The following SNTG1 variants were observed in gnomAD, a reference collection of about 807,000 sequenced individuals.
SNTG1 encodes the protein syntrophin gamma 1, also known as gamma-1-syntrophin.
Under a neutral mutation model 74.7 loss-of-function variants are expected in SNTG1, and 39 were observed. The observed-to-expected ratio is 0.52, with a 90% CI of 0.40 to 0.68. The LOEUF (loss-of-function observed/expected upper bound fraction) is 0.68, where lower values mean the gene tolerates loss of function less well. Among genes scored for constraint, SNTG1 ranks in the 30% least tolerant of loss-of-function variants. The probability of loss-of-function intolerance (pLI) is 0.00; values close to 1 mark genes in which losing one functional copy is unlikely to be tolerated. For synonymous variants in SNTG1, 254 were observed against 217.1 expected (o/e 1.17, Z -1.49); for missense variants, 685 against 609.5 (o/e 1.12, Z -1.30).
At chr8:50,420,498 T>A (rs1251148082) in intron 4 of SNTG1, among the ~76,000 whole-genome samples, 1 of 152,106 alleles carries the variant, frequency 6.6e-6, no homozygotes, top group Non-Finnish European at 1.5e-5. Flanking sequence ...AGTATTTCAT[T>A]AAAGGAATGG....
At chr8:50,087,545 G>A (rs1406857132) in intron 1 of SNTG1, among the ~76,000 whole-genome samples, 1 of 151,998 alleles carries the variant, frequency 6.6e-6, no homozygotes, top group Non-Finnish European at 1.5e-5. Flanking sequence ...TATTTTAGGT[G>A]CTTTCATGGG....
chr8:50,311,463 T>C (rs1292267001), intron 2 of SNTG1, among the ~76,000 whole-genome samples: 4 of 152,250 alleles, frequency 2.6e-5, no homozygotes, highest in Non-Finnish European at 5.9e-5. Context: ...GAAAGCCTTT[T>C]CTTAACAGGA....
intron 2 of SNTG1, among the ~76,000 whole-genome samples, chr8:50,226,600 G>A (rs62518162): frequency 0.021 from 3,218 of 152,074 alleles, 97 homozygotes; most frequent in Non-Finnish European, 0.025. Flanking sequence ...TCAATCCCAG[G>A]TCTTTAGACA....
At chr8:50,427,192 T>G (rs2093174143) in intron 4 of SNTG1, among the ~76,000 whole-genome samples, 1 of 152,160 alleles carries the variant, frequency 6.6e-6, no homozygotes, top group Non-Finnish European at 1.5e-5. Context: ...CTTAGTTTTG[T>G]GGTAATTCAC....
chr8:50,249,528 A>T (rs1409858975), intron 2 of SNTG1, among the ~76,000 whole-genome samples: 2 of 152,178 alleles, frequency 1.3e-5, no homozygotes, highest in African/African-American at 2.4e-5. Flanking sequence ...TAACACATGC[A>T]CACCCACCCC....
At chr8:50,421,640 C>T (rs906325838) in intron 4 of SNTG1, among the ~76,000 whole-genome samples, 1 of 152,086 alleles carries the variant, frequency 6.6e-6, no homozygotes, top group Non-Finnish European at 1.5e-5. Context: ...TTTACCCAAC[C>T]CTTTTTCAAG....
intron 14 of SNTG1, among the ~76,000 whole-genome samples, chr8:50,658,260 T>TAA (rs67305616): frequency 6.7e-6 from 1 of 149,964 alleles, no homozygotes; most frequent in East Asian, 1.9e-4. Context: ...AGTGGTAAAT[T>TAA]AAAAAAAAAA....
chr8:50,077,119 A>T (rs961785426), intron 1 of SNTG1, among the ~76,000 whole-genome samples: 5 of 152,220 alleles, frequency 3.3e-5, no homozygotes, highest in African/African-American at 1.2e-4. Flanking sequence ...GACAGACTGC[A>T]AATGCACAAC....
At chr8:50,470,671 C>T (rs895934974) in intron 8 of SNTG1, among the ~76,000 whole-genome samples, 2 of 152,144 alleles carry the variant, frequency 1.3e-5, no homozygotes, top group East Asian at 3.9e-4. Flanking sequence ...TTCATTCATC[C>T]TGGTGGGTTC....
chr8:50,262,625 G>T lies in SNTG1; in HGVS notation c.-28+89990G>T, dbSNP rs200213762. 1.5e-4 allele frequency among the ~76,000 whole-genome samples: 23 copies of T among 152,138 alleles called. No individual in the cohort carries two copies. In the East Asian group the frequency reaches 4.3e-3, roughly 28 times the overall value. On this transcript the variant is annotated intron_variant, in intron 2 of 18. Transcript: ENST00000642720. Reference sequence around the variant, plus strand: ...GGGGTTTCACCATGTTAGCCAGGATGGTCTCGATCTCCTGACTTTGTGATC... The same window carrying T: ...GGGGTTTCACCATGTTAGCCAGGATTGTCTCGATCTCCTGACTTTGTGATC...
At chr8:50,480,976 C>T (rs1401964881) in intron 8 of SNTG1, among the ~76,000 whole-genome samples, 7 of 152,138 alleles carry the variant, frequency 4.6e-5, no homozygotes, top group Non-Finnish European at 5.9e-5. Flanking sequence ...ATAGTATCCT[C>T]TTGTATATAA....
At chr8:50,617,675 C>T (rs543079747) in intron 13 of SNTG1, among the ~76,000 whole-genome samples, 52 of 152,334 alleles carry the variant, frequency 3.4e-4, no homozygotes, top group Non-Finnish European at 1.9e-4. Flanking sequence ...CTTTTAAGGG[C>T]TCACAACTCT....
rs543078949 is a variant in SNTG1 at position 50,156,907 on chromosome 8, C to T, written c.-102-15654C>T. Among the ~76,000 whole-genome samples, 5 of 152,236 alleles carry T rather than the reference C, an allele frequency of 3.3e-5. No homozygotes were observed. In the East Asian group the frequency reaches 9.6e-4, roughly 29 times the overall value. Reference sequence around the variant, plus strand: ...TAAGGATGTTGAGCAACTGAACTCACAAGCACTGTGTGAAATGTAAAATGG... The same window carrying T: ...TAAGGATGTTGAGCAACTGAACTCATAAGCACTGTGTGAAATGTAAAATGG... On this transcript the variant is annotated intron_variant, in intron 1 of 18. Coordinates refer to ENST00000642720, the MANE Select transcript of SNTG1 (RefSeq NM_018967.5).
intron 15 of SNTG1, among the ~76,000 whole-genome samples, chr8:50,675,158 A>T (rs1456474987): frequency 6.6e-6 from 1 of 152,028 alleles, no homozygotes; most frequent in Non-Finnish European, 1.5e-5. Context: ...TGGGGTGGAG[A>T]GTTCTGTAGA....
intron 8 of SNTG1, among the ~76,000 whole-genome samples, chr8:50,493,681 G>C (rs969445569): frequency 6.6e-5 from 10 of 151,326 alleles, no homozygotes; most frequent in African/African-American, 2.4e-4. Context: ...GGTCAACGCT[G>C]TATATAAGTG....
At chr8:50,750,087 G>T (rs1212184089) in intron 17 of SNTG1, among the ~76,000 whole-genome samples, 1 of 152,014 alleles carries the variant, frequency 6.6e-6, no homozygotes, top group Non-Finnish European at 1.5e-5. Flanking sequence ...ATGATTCATG[G>T]GAGGAGGTCA....
At chr8:50,733,741 T>C (rs2095518693) in intron 17 of SNTG1, among the ~76,000 whole-genome samples, 1 of 152,048 alleles carries the variant, frequency 6.6e-6, no homozygotes, top group South Asian at 2.1e-4. Flanking sequence ...TTAAGAAATG[T>C]GTGTTCGTGT....
At chr8:50,454,488 C>T (rs1057297716) in intron 8 of SNTG1, among the ~76,000 whole-genome samples, 5 of 148,616 alleles carry the variant, frequency 3.4e-5, no homozygotes, top group African/African-American at 1.2e-4. Context: ...CAGAGCAAGA[C>T]TCAGTCTGAA....
chr8:50,717,171 C>G (rs2095477069), intron 17 of SNTG1, among the ~76,000 whole-genome samples: 1 of 152,168 alleles, frequency 6.6e-6, no homozygotes, highest in Non-Finnish European at 1.5e-5. Flanking sequence ...CTAATATATA[C>G]TTTTCATACC....
Sources: allele counts gnomAD v4.1 joint callset (sites outside exome capture counted in the v4.1 genomes callset), GRCh38; gene constraint gnomAD v4.1.1; transcripts MANE v1.5; gene names NCBI Gene and HGNC (gene_info 2026-07-23, HGNC 2026-07-21).